The following THRAP3 variants were observed in gnomAD, a reference collection of about 807,000 sequenced individuals.
THRAP3 encodes thyroid hormone receptor associated protein 3.
In THRAP3, 16 loss-of-function variants were observed where a neutral mutation model predicts 101.0. That is an observed-to-expected ratio of 0.16 (90% confidence interval 0.11 to 0.24). The LOEUF (loss-of-function observed/expected upper bound fraction) is 0.24. THRAP3 is among the 10% of genes least tolerant of loss of function. THRAP3 has a pLI of 1.00. For synonymous variants in THRAP3, 407 were observed against 422.6 expected, an observed-to-expected ratio of 0.96 and a Z score of 0.45; for missense variants, 989 against 1,202.7, an observed-to-expected ratio of 0.82 and a Z score of 2.63.
At chr1:36,278,317 C>G (rs961111741) in intron 2 of THRAP3, among the ~76,000 whole-genome samples, 1 of 152,108 alleles carries the variant, frequency 6.6e-6, no homozygotes, top group Non-Finnish European at 1.5e-5. Context: ...GTGCCTGCCT[C>G]GGCCTCCCAA....
chr1:36,212,364 C>T, the THRAP3 span, among the ~76,000 whole-genome samples: 245 of 152,004 alleles, frequency 1.6e-3, 1 homozygote, highest in African/African-American at 5.7e-3. Context: ...CACCTGCTCA[C>T]CTTGAAGTGA....
intron 1 of THRAP3, among the ~76,000 whole-genome samples, chr1:36,257,184 G>T (rs1296541994): frequency 6.6e-6 from 1 of 152,106 alleles, no homozygotes; most frequent in African/African-American, 2.4e-5. Flanking sequence ...TGTTTCCTCA[G>T]ATAAGGCCCA....
chr1:36,268,140 C>T (rs185488002), intron 2 of THRAP3, among the ~76,000 whole-genome samples: 66 of 152,036 alleles, frequency 4.3e-4, no homozygotes, highest in African/African-American at 1.6e-3. Flanking sequence ...AGATCATGTG[C>T]CACTGTACTC....
intron 3 of THRAP3, among the ~76,000 whole-genome samples, 193 bp downstream of exon 3, chr1:36,282,893 A>AT (rs1645752635): frequency 6.6e-6 from 1 of 152,174 alleles, no homozygotes; most frequent in Non-Finnish European, 1.5e-5. Flanking sequence ...TGCCATGCTG[A>AT]TTGCCTGATT....
the THRAP3 span, among the ~76,000 whole-genome samples, chr1:36,208,692 G>A: frequency 6.6e-6 from 1 of 152,058 alleles, no homozygotes; most frequent in Non-Finnish European, 1.5e-5. Flanking sequence ...TTAAGATGGA[G>A]TCTCGCTCTT....
At chr1:36,301,229 T>A in intron 10 of THRAP3, 145 bp downstream of exon 10, 2 of 870,280 alleles carry the variant, frequency 2.3e-6, no homozygotes, top group Middle Eastern at 3.6e-4. Flanking sequence ...CTTCCCACAT[T>A]TCCTGGCCTT....
intron 2 of THRAP3, among the ~76,000 whole-genome samples, chr1:36,268,596 G>A (rs948998447): frequency 6.6e-6 from 1 of 152,162 alleles, no homozygotes; most frequent in African/African-American, 2.4e-5. Context: ...TTGAACTTCT[G>A]GGCTCAAGCG....
chr1:36,288,847 T>C, intron 4 of THRAP3: 1 of 985,354 alleles, frequency 1.0e-6, no homozygotes, highest in Non-Finnish European at 1.2e-6. Flanking sequence ...CCATGGATCA[T>C]ATATTTTTCT....
At chr1:36,292,366 G>A (rs545221970) in intron 6 of THRAP3, among the ~76,000 whole-genome samples, 1 of 141,194 alleles carries the variant, frequency 7.1e-6, no homozygotes, top group African/African-American at 2.7e-5. Flanking sequence ...CGGCCTCCTG[G>A]GTTCACGACA....
intron 2 of THRAP3, among the ~76,000 whole-genome samples, chr1:36,280,123 A>T (rs1645712733): frequency 6.6e-6 from 1 of 152,218 alleles, no homozygotes; most frequent in African/African-American, 2.4e-5. Context: ...CATCTGAATG[A>T]ATTAATGAAT....
the THRAP3 span, among the ~76,000 whole-genome samples, chr1:36,216,371 T>C: frequency 6.6e-6 from 1 of 151,400 alleles, no homozygotes; most frequent in Non-Finnish European, 1.5e-5. Context: ...AATACAAAAA[T>C]TAGCTGTGTT....
At chr1:36,275,602 A>AAAAAAAAG (rs1553122394) in intron 2 of THRAP3, among the ~76,000 whole-genome samples, 1 of 126,984 alleles carries the variant, frequency 7.9e-6, no homozygotes, top group Non-Finnish European at 1.6e-5. Context: ...AAAAAAAAAA[A>AAAAAAAAG]AAGTCTTCTT....
chr1:36,284,818 C>T (rs914154007), intron 3 of THRAP3, among the ~76,000 whole-genome samples: 2 of 152,200 alleles, frequency 1.3e-5, no homozygotes, highest in African/African-American at 4.8e-5. Context: ...TGGATCACCT[C>T]CCTCAAGCAT....
At chr1:36,287,556 G>A in intron 4 of THRAP3, 6 of 985,428 alleles carry the variant, frequency 6.1e-6, no homozygotes, top group Non-Finnish European at 7.2e-6. Flanking sequence ...GTAAGCCAAA[G>A]AACAGTAGAG....
At chr1:36,257,168 A>G (rs1460325011) in intron 1 of THRAP3, among the ~76,000 whole-genome samples, 1 of 151,936 alleles carries the variant, frequency 6.6e-6, no homozygotes, top group Non-Finnish European at 1.5e-5. Context: ...GGGTCTTTGC[A>G]TTTGCTGTTT....
chr1:36,292,260 G>GT (rs1553124853), intron 6 of THRAP3, among the ~76,000 whole-genome samples: 3 of 13,112 alleles, frequency 2.3e-4, no homozygotes, highest in Non-Finnish European at 3.7e-4. Flanking sequence ...GTGTTTCTTT[G>GT]TTTCTTTTTT....
At chr1:36,238,894 C>T (rs1645122141) in intron 1 of THRAP3, among the ~76,000 whole-genome samples, 2 of 151,800 alleles carry the variant, frequency 1.3e-5, no homozygotes, top group African/African-American at 4.8e-5. Flanking sequence ...GTGCATGCCA[C>T]CATGCCCGAC....
chr1:36,229,951 C>CTTT (rs35044010), intron 1 of THRAP3, among the ~76,000 whole-genome samples: 3 of 59,282 alleles, frequency 5.1e-5, no homozygotes, highest in African/African-American at 1.2e-4. Context: ...CGCGCCCAGC[C>CTTT]TTTTTTTTTT....
upstream of THRAP3, among the ~76,000 whole-genome samples, chr1:36,223,858 A>G (rs2124305949): frequency 1.3e-5 from 2 of 151,466 alleles, no homozygotes; most frequent in Middle Eastern, 6.8e-3. Flanking sequence ...AACCAAACCA[A>G]CCCCTCCATT....
Sources: allele counts gnomAD v4.1 joint callset (sites outside exome capture counted in the v4.1 genomes callset), GRCh38; gene constraint gnomAD v4.1.1; transcripts MANE v1.5; gene names NCBI Gene and HGNC (gene_info 2026-07-23, HGNC 2026-07-21).